The following RAB27A variants were observed in gnomAD, a reference collection of about 807,000 sequenced individuals.
The protein encoded by RAB27A is ras-related protein Rab-27A.
RAB27A carries 17 observed loss-of-function variants against 20.8 expected under a neutral mutation model. The observed-to-expected ratio is 0.82, with a 90% CI of 0.56 to 1.23. The LOEUF is 1.23. Among genes scored for constraint, RAB27A ranks in the 50% most tolerant of loss-of-function variants. RAB27A has a pLI of 0.00. For missense variants in RAB27A, 277 were observed against 266.7 expected (o/e 1.04, Z -0.27); for synonymous variants, 85 against 92.8 (o/e 0.92, Z 0.48).
intron 6 of RAB27A, among the ~76,000 whole-genome samples, chr15:55,214,150 G>A (rs1895154276): frequency 6.6e-6 from 1 of 152,150 alleles, no homozygotes; most frequent in African/African-American, 2.4e-5. Context: ...TTAAAAACTG[G>A]TTGAGGCCGG....
chr15:55,224,060 G>A lies in RAB27A; in HGVS notation c.344-48C>T, dbSNP rs371393344. ...TATATATGTAAATAATAATGTAAGT[G>A]TATGATCAGTGAACAATACATGCAA... On this transcript the variant is annotated intron_variant, in intron 5 of 6. Transcript: ENST00000336787. 48 of 1,417,888 alleles carry A rather than the reference G, an allele frequency of 3.4e-5. No homozygotes were observed. In the Middle Eastern group the frequency reaches 9.6e-4, roughly 28 times the overall value. The allele number at this position is 1,417,888 out of a possible 1,614,324, so 87.8% of individuals were successfully genotyped here.
intron 2 of RAB27A, among the ~76,000 whole-genome samples, chr15:55,310,368 G>C (rs911960909): frequency 2.6e-5 from 4 of 152,170 alleles, no homozygotes; most frequent in Non-Finnish European, 5.9e-5. Context: ...GCATGGGCTG[G>C]CACTTGCCCC....
intron 6 of RAB27A, among the ~76,000 whole-genome samples, chr15:55,217,245 A>C (rs759340339): frequency 6.6e-5 from 10 of 152,132 alleles, no homozygotes; most frequent in Non-Finnish European, 1.3e-4. Flanking sequence ...TTTCTACAGG[A>C]ATAAGTGAAT....
At chr15:55,282,919 T>C (rs966095988) in intron 1 of RAB27A, among the ~76,000 whole-genome samples, 2 of 129,100 alleles carry the variant, frequency 1.5e-5, no homozygotes, top group Non-Finnish European at 3.1e-5. Flanking sequence ...AGACAATAAA[T>C]AAATAAATAA....
chr15:55,230,871 G>C (rs535610373), intron 3 of RAB27A, among the ~76,000 whole-genome samples: 5 of 152,002 alleles, frequency 3.3e-5, no homozygotes, highest in South Asian at 4.1e-4. Context: ...TTGTTACGTA[G>C]ATAGATTGCA....
intron 2 of RAB27A, among the ~76,000 whole-genome samples, chr15:55,311,352 C>T (rs2055019840): frequency 6.6e-6 from 1 of 152,192 alleles, no homozygotes; most frequent in South Asian, 2.1e-4. Context: ...GGTACACGCA[C>T]TCTGGCTGGG....
intron 1 of RAB27A, among the ~76,000 whole-genome samples, chr15:55,315,588 G>A (rs574763325): frequency 6.6e-6 from 1 of 152,186 alleles, no homozygotes; most frequent in Admixed American, 6.5e-5. Flanking sequence ...CAAAAAGTGA[G>A]TGAAGGATAT....
chr15:55,246,761 G>C (rs996307631), intron 2 of RAB27A, among the ~76,000 whole-genome samples: 1 of 151,848 alleles, frequency 6.6e-6, no homozygotes, highest in Non-Finnish European at 1.5e-5. Context: ...CACTCCAAAA[G>C]TCTGCTCAAC....
intron 2 of RAB27A, among the ~76,000 whole-genome samples, chr15:55,298,518 G>A (rs2054959074): frequency 6.6e-6 from 1 of 152,172 alleles, no homozygotes; most frequent in African/African-American, 2.4e-5. Flanking sequence ...AAGGCAAGTG[G>A]AGGCAGGGCG....
At chr15:55,206,973 G>C (rs1320437406) in intron 6 of RAB27A, among the ~76,000 whole-genome samples, 1 of 152,086 alleles carries the variant, frequency 6.6e-6, no homozygotes, top group Admixed American at 6.6e-5. Context: ...ATGAATTAAA[G>C]TAATAAACAA....
rs149333216 is a variant in RAB27A at position 55,263,081 on chromosome 15, C to T, written c.-23+7084G>A. Among the ~76,000 whole-genome samples, 153 of 152,016 alleles carry T rather than the reference C, an allele frequency of 1.0e-3. 1 individual carries two copies. Among genetic ancestry groups the T allele is most frequent in the African/African-American group, 3.5e-3 (147 of 41,448 alleles). On this transcript the variant is annotated intron_variant, in intron 2 of 6. Transcript: ENST00000336787. Reference sequence around the variant, plus strand: ...AATTTACCAGCTTTTATATTTATTCCGCCTTTGATATTTTTCTTTCCTTTC... The same window carrying T: ...AATTTACCAGCTTTTATATTTATTCTGCCTTTGATATTTTTCTTTCCTTTC...
At chr15:55,287,516 G>C (rs896567691) in intron 1 of RAB27A, among the ~76,000 whole-genome samples, 1 of 152,112 alleles carries the variant, frequency 6.6e-6, no homozygotes, top group Non-Finnish European at 1.5e-5. Flanking sequence ...GGGAGGCTGA[G>C]GCAGACAGAT....
intron 2 of RAB27A, among the ~76,000 whole-genome samples, chr15:55,253,567 G>A (rs1260278331): frequency 1.3e-5 from 2 of 152,112 alleles, no homozygotes; most frequent in African/African-American, 2.4e-5. Context: ...GTCCCCCAAG[G>A]CCATACCTTG....
intron 2 of RAB27A, among the ~76,000 whole-genome samples, chr15:55,298,381 G>T (rs1375208838): frequency 6.6e-6 from 1 of 152,096 alleles, no homozygotes; most frequent in Non-Finnish European, 1.5e-5. Context: ...ATGTCGGTAG[G>T]TTCCGTGATG....
At chr15:55,221,749 G>A (rs1004309923) in intron 6 of RAB27A, among the ~76,000 whole-genome samples, 1 of 152,158 alleles carries the variant, frequency 6.6e-6, no homozygotes, top group African/African-American at 2.4e-5. Flanking sequence ...ATATATTGTC[G>A]CTTATCTGCT....
At chr15:55,243,194 C>A (rs575518352) in intron 2 of RAB27A, among the ~76,000 whole-genome samples, 9 of 151,488 alleles carry the variant, frequency 5.9e-5, no homozygotes, top group Non-Finnish European at 1.3e-4. Context: ...ATTGCAAATC[C>A]AAGAAAAAAA....
chr15:55,214,625 T>C (rs1895194869), intron 6 of RAB27A, among the ~76,000 whole-genome samples: 1 of 152,232 alleles, frequency 6.6e-6, no homozygotes, highest in South Asian at 2.1e-4. Context: ...AAAAATGACA[T>C]GGTCTTCGCA....
At chr15:55,231,911 C>CA (rs113786563) in intron 3 of RAB27A, among the ~76,000 whole-genome samples, 15 of 146,840 alleles carry the variant, frequency 1.0e-4, no homozygotes, top group South Asian at 2.1e-4. Context: ...ACAACAACAA[C>CA]AAAAAAAAAA....
chr15:55,254,603 G>C (rs1200544091), intron 2 of RAB27A, among the ~76,000 whole-genome samples: 1 of 152,052 alleles, frequency 6.6e-6, no homozygotes, highest in Non-Finnish European at 1.5e-5. Flanking sequence ...GAAAAATTCT[G>C]AGACAGGAAG....
Sources: allele counts gnomAD v4.1 joint callset (sites outside exome capture counted in the v4.1 genomes callset), GRCh38; gene constraint gnomAD v4.1.1; transcripts MANE v1.5; gene names NCBI Gene and HGNC (gene_info 2026-07-23, HGNC 2026-07-21).